Variants in ACYP2 observed in about 807,000 individuals in gnomAD.
ACYP2 encodes the protein acylphosphatase-2.
ACYP2 carries 12 observed loss-of-function variants against 11.2 expected under a neutral mutation model. That is an observed-to-expected ratio of 1.08 (90% CI 0.69 to 1.74). The LOEUF (loss-of-function observed/expected upper bound fraction) is 1.74. ACYP2 is among the 40% of genes most tolerant of loss of function. The pLI is 0.00. For synonymous variants in ACYP2, 43 were observed against 32.2 expected, an observed-to-expected ratio of 1.33 and a Z score of -1.13; for missense variants, 134 against 101.9, an observed-to-expected ratio of 1.31 and a Z score of -1.35.
At chr2:54,150,161 C>T (rs1490910089) in intron 6 of ACYP2, among the ~76,000 whole-genome samples, 1 of 152,192 alleles carries the variant, frequency 6.6e-6, no homozygotes, top group East Asian at 1.9e-4. Context: ...TATTGGAGCA[C>T]AGCCACACCC....
chr2:54,012,938 C>G (rs1375293741), intron 2 of ACYP2, among the ~76,000 whole-genome samples: 1 of 152,182 alleles, frequency 6.6e-6, no homozygotes, highest in African/African-American at 2.4e-5. Context: ...CTCCCACTCT[C>G]CCTCTCCCTC....
At chr2:53,980,814 C>A (rs1671717325) in intron 2 of ACYP2, among the ~76,000 whole-genome samples, 1 of 151,822 alleles carries the variant, frequency 6.6e-6, no homozygotes. Flanking sequence ...TGCAATGGTG[C>A]AATCACAGCT....
intron 6 of ACYP2, among the ~76,000 whole-genome samples, chr2:54,239,664 C>A (rs891951777): frequency 6.6e-6 from 1 of 152,122 alleles, no homozygotes; most frequent in Non-Finnish European, 1.5e-5. Context: ...AGGGGGTTGT[C>A]TAAACCACCA....
At chr2:53,973,562 G>A (rs1671282741) in intron 1 of ACYP2, among the ~76,000 whole-genome samples, 1 of 152,004 alleles carries the variant, frequency 6.6e-6, no homozygotes, top group African/African-American at 2.4e-5. Context: ...CAACCCTTAA[G>A]AAGGTTCTTT....
intron 6 of ACYP2, among the ~76,000 whole-genome samples, chr2:54,243,673 G>A (rs1326630741): frequency 6.6e-6 from 1 of 151,988 alleles, no homozygotes; most frequent in Non-Finnish European, 1.5e-5. Context: ...TGGTTCAAGC[G>A]ATTCTCCTGC....
intron 2 of ACYP2, among the ~76,000 whole-genome samples, chr2:53,986,096 C>A (rs1298569733): frequency 6.6e-6 from 1 of 151,920 alleles, no homozygotes; most frequent in Non-Finnish European, 1.5e-5. Context: ...CACTGCACTC[C>A]AGTCTGAGCA....
intron 6 of ACYP2, among the ~76,000 whole-genome samples, chr2:54,153,111 T>C (rs924923341): frequency 2.2e-4 from 33 of 152,224 alleles, no homozygotes; most frequent in African/African-American, 7.0e-4. Flanking sequence ...TCAGGTCTTG[T>C]GTTTAAGTCT....
intron 2 of ACYP2, among the ~76,000 whole-genome samples, chr2:53,984,997 A>G (rs534109255): frequency 1.3e-5 from 2 of 152,058 alleles, no homozygotes; most frequent in African/African-American, 4.8e-5. Flanking sequence ...TTATGAATAG[A>G]TTGGTCCAGG....
intron 6 of ACYP2, among the ~76,000 whole-genome samples, chr2:54,245,116 G>A (rs1009882231): frequency 7.2e-5 from 11 of 151,846 alleles, no homozygotes; most frequent in Non-Finnish European, 1.0e-4. Context: ...TCGTGCATAT[G>A]AATGAGAATA....
rs1184937368 is a variant in ACYP2, at chr2:54,010,750, T to C, written c.62+36940T>C. 1.7e-3 allele frequency among the ~76,000 whole-genome samples: 240 copies of C among 141,792 alleles called. 1 individual carries two copies. The highest frequency in any genetic ancestry group is 2.9e-3 in the Non-Finnish European group (188 of 65,420). 93.0% of individuals were successfully genotyped at this position (141,792 alleles called of 152,430 possible). The stretch of plus-strand genomic sequence containing the variant: ...TTTTCTTTCTTTCTTTTTTTTTTTT[T>C]TTTTTTTTTTTTTTTGAGGCAGCAG... On this transcript the variant is annotated intron_variant, in intron 2 of 6. Transcript: ENST00000607452.
chr2:54,238,546 G>C (rs1338316921), intron 6 of ACYP2, among the ~76,000 whole-genome samples: 1 of 152,058 alleles, frequency 6.6e-6, no homozygotes, highest in Non-Finnish European at 1.5e-5. Context: ...TAGTATCATT[G>C]ATCATATTTC....
chr2:54,046,648 G>C (rs1427609857), intron 2 of ACYP2, among the ~76,000 whole-genome samples: 2 of 152,116 alleles, frequency 1.3e-5, no homozygotes, highest in Non-Finnish European at 2.9e-5. Flanking sequence ...CCACAATGGA[G>C]GAAAGTGATA....
At chr2:54,071,999 A>C (rs545453662) in intron 4 of ACYP2, among the ~76,000 whole-genome samples, 1 of 152,286 alleles carries the variant, frequency 6.6e-6, no homozygotes, top group Non-Finnish European at 1.5e-5. Context: ...AGACAGAGCG[A>C]GACTCTGTCT....
chr2:54,191,407 C>A (rs1287265657), intron 6 of ACYP2, among the ~76,000 whole-genome samples: 1 of 152,154 alleles, frequency 6.6e-6, no homozygotes, highest in Non-Finnish European at 1.5e-5. Flanking sequence ...GTGGCACTTG[C>A]TCTTCCCGCT....
intron 4 of ACYP2, among the ~76,000 whole-genome samples, chr2:54,108,984 A>G (rs959015573): frequency 2.0e-5 from 3 of 152,160 alleles, no homozygotes; most frequent in African/African-American, 4.8e-5. Context: ...AGGTTTTAGT[A>G]TATTTGATTA....
In ACYP2 at chr2:54,081,495, G is replaced by A. The variant is rs768528268; in HGVS notation, c.277+24135G>A. Among the ~76,000 whole-genome samples, 11 of 152,188 alleles carry A rather than the reference G, an allele frequency of 7.2e-5. No homozygotes were observed. The South Asian group carries it at 1.0e-3, about 14-fold the overall frequency. The stretch of plus-strand genomic sequence containing the variant: ...GCAACTGCCTACAGTATTCAGTACC[G>A]TCACATACTGTAAAGGTTTGTAGCC... On this transcript the variant is annotated intron_variant, in intron 4 of 6. Transcript: ENST00000607452.
intron 2 of ACYP2, among the ~76,000 whole-genome samples, chr2:54,037,360 C>A (rs1198327205): frequency 1.3e-5 from 2 of 152,142 alleles, no homozygotes; most frequent in Non-Finnish European, 2.9e-5. Context: ...AGTGATCCAC[C>A]TGTCTCAGCT....
chr2:54,183,138 CT>C (rs1683816793), intron 6 of ACYP2, among the ~76,000 whole-genome samples: 1 of 152,114 alleles, frequency 6.6e-6, no homozygotes, highest in Non-Finnish European at 1.5e-5. Context: ...ATAACTAAAC[CT>C]TTCATGACTT....
intron 6 of ACYP2, among the ~76,000 whole-genome samples, chr2:54,247,058 T>C (rs1686987208): frequency 6.6e-6 from 1 of 152,202 alleles, no homozygotes; most frequent in South Asian, 2.1e-4. Context: ...CCCAAAGTCC[T>C]AAAATTAGAT....
Sources: gnomAD v4.1 joint callset for allele counts (sites outside exome capture counted in the v4.1 genomes callset) on GRCh38, gnomAD v4.1.1 for gene constraint, MANE v1.5 for transcripts, NCBI Gene and HGNC (gene_info 2026-07-23, HGNC 2026-07-21) for gene names.